LYPD1: variants seen among roughly 807,000 people sequenced by gnomAD.
The protein encoded by LYPD1 is LY6/PLAUR domain containing 1.
In LYPD1, 14 loss-of-function variants were observed where a neutral mutation model predicts 14.2. The ratio of observed to expected loss-of-function variants is 0.99; its 90% CI spans 0.65 to 1.54. LYPD1 has a LOEUF of 1.54. Among genes scored for constraint, LYPD1 ranks in the 40% most tolerant of loss-of-function variants. The probability of loss-of-function intolerance (pLI) is 0.00; values close to 1 mark genes in which losing one functional copy is unlikely to be tolerated. For missense variants in LYPD1, 165 were observed against 175.7 expected, an observed-to-expected ratio of 0.94 and a Z score of 0.34; for synonymous variants, 85 against 70.6, an observed-to-expected ratio of 1.20 and a Z score of -1.02.
rs1398052418 is a variant in LYPD1, at chr2:132,644,936, G to A, written c.*1109C>T. On this transcript the variant is annotated 3_prime_UTR_variant, in exon 3 of 3. Transcript: ENST00000397463. ...AACAGTGTTAAATTCTCTCTTGCTT[G>A]TGGCAAAAGAAGCTGTCAAGTCCAA... 59 of 721,052 alleles carry A rather than the reference G, an allele frequency of 8.2e-5. 1 individual carries two copies. In the East Asian group the frequency reaches 1.6e-3, roughly 19 times the overall value. 44.7% of individuals were successfully genotyped at this position (721,052 alleles called of 1,614,324 possible). A position where few individuals can be genotyped will look rare whatever the true frequency, so the allele number is the denominator to read the frequency against.
intron 2 of LYPD1, among the ~76,000 whole-genome samples, chr2:132,659,840 A>C (rs1682825575): frequency 6.6e-6 from 1 of 152,154 alleles, no homozygotes; most frequent in Non-Finnish European, 1.5e-5. Flanking sequence ...GGCTCTAGCT[A>C]TTTCTGAATA....
chr2:132,655,837 T>G (rs565431446), intron 2 of LYPD1, among the ~76,000 whole-genome samples: 2 of 152,276 alleles, frequency 1.3e-5, no homozygotes, highest in East Asian at 3.9e-4. Flanking sequence ...TAAACTAATC[T>G]TCTCCTACAA....
In LYPD1 at chr2:132,645,798, A is replaced by G. The variant is rs564454513; in HGVS notation, c.*247T>C. ...AGCCTGGCCTTGACTCCGGTTACACAGACATGGGGGTGAACTTTCACTCCA... is the reference window on the plus strand; with the variant it reads ...AGCCTGGCCTTGACTCCGGTTACACGGACATGGGGGTGAACTTTCACTCCA... On this transcript the variant is annotated 3_prime_UTR_variant, in exon 3 of 3. Coordinates refer to ENST00000397463, the MANE Select transcript of LYPD1 (RefSeq NM_144586.7). 3.4e-5 allele frequency: 27 copies of G among 788,434 alleles called. No homozygotes were observed. The East Asian group carries it at 7.3e-4, about 21-fold the overall frequency. 48.8% of individuals were successfully genotyped at this position (788,434 alleles called of 1,614,324 possible).
chr2:132,645,358 A>G lies in LYPD1; in HGVS notation c.*687T>C. 2 of 1,614,036 alleles carry G rather than the reference A, an allele frequency of 1.2e-6. No homozygotes were observed. The highest frequency in any genetic ancestry group is 3.3e-4 in the Middle Eastern group (2 of 6,060). ...GTCGCTGCAGCACGCCAACCACGAG[A>G]AGCGCCTGCGCGTACATGCGCACTC... On this transcript the variant is annotated 3_prime_UTR_variant, in exon 3 of 3. Coordinates refer to ENST00000397463, the MANE Select transcript of LYPD1 (RefSeq NM_144586.7).
At position 132,668,484 on chromosome 2, in the gene LYPD1, CGTT is replaced by C; in HGVS notation, c.103_105del (p.Asn35del). The C allele has an allele frequency of 2.5e-6, 4 of 1,612,132 alleles. No homozygotes were observed. The highest frequency in any genetic ancestry group is 3.4e-6 in the Non-Finnish European group (4 of 1,179,124). On this transcript the variant is annotated inframe_deletion, in exon 2 of 3. Coordinates refer to ENST00000397463, the MANE Select transcript of LYPD1 (RefSeq NM_144586.7). ...ACAATGAACTCGGGGGAGGAGCAGT[CGTT>C]GTTCAGCTGGAATTCTTCACACTGG...
In LYPD1 at chr2:132,644,462, T is replaced by C. The variant is rs1681946282; in HGVS notation, c.*1583A>G. On this transcript the variant is annotated 3_prime_UTR_variant, in exon 3 of 3. Transcript: ENST00000397463. Reference sequence around the variant, plus strand: ...CTAAAAGTGTCTGAAAAGAAACACATATGCTGTTGCAGATATGAGCATCAT... The same window carrying C: ...CTAAAAGTGTCTGAAAAGAAACACACATGCTGTTGCAGATATGAGCATCAT... 3.3e-5 allele frequency among the ~76,000 whole-genome samples: 5 copies of C among 152,234 alleles called. No homozygotes were observed. Among genetic ancestry groups the C allele is most frequent in the Admixed American group, 3.3e-4 (5 of 15,288 alleles).
chr2:132,659,961 A>C (rs1032968035), intron 2 of LYPD1, among the ~76,000 whole-genome samples: 4 of 152,246 alleles, frequency 2.6e-5, no homozygotes, highest in African/African-American at 4.8e-5. Context: ...GCTTCTGCTG[A>C]TGCTCTTTGA....
At chr2:132,646,533 T>C (rs772528484) in intron 2 of LYPD1, 18 of 376,172 alleles carry the variant, frequency 4.8e-5, no homozygotes, top group East Asian at 7.7e-5. Flanking sequence ...TGAATACCTG[T>C]TAATAAAGAG....
intron 2 of LYPD1, 23 bp downstream of exon 2, chr2:132,668,377 G>A: frequency 1.3e-6 from 2 of 1,595,756 alleles, no homozygotes; most frequent in Non-Finnish European, 1.7e-6. Context: ...TAAGAGCGAG[G>A]GGGAGGGCTG....
At chr2:132,649,514 T>C (rs1573726844) in intron 2 of LYPD1, among the ~76,000 whole-genome samples, 1 of 151,988 alleles carries the variant, frequency 6.6e-6, no homozygotes, top group South Asian at 2.1e-4. Context: ...ACGGGAATGG[T>C]TTTGGGGAAT....
In LYPD1 at chr2:132,669,882, T is replaced by C; in HGVS notation, c.51A>G (p.Pro17=). 6.2e-7 allele frequency: 1 copy of C among 1,612,770 alleles called. No individual in the cohort carries two copies. The highest frequency in any genetic ancestry group is 8.5e-7 in the Non-Finnish European group (1 of 1,179,326). The change falls in exon 1 of 3, where the codon CCA becomes CCG. Residue 17 remains proline, a splice_region_variant and synonymous_variant. Transcript: ENST00000397463. The surrounding 1 kb of genome is among the most constrained non-coding windows in gnomAD (Gnocchi z 4.3). The part of the protein sequence containing the change: ...AATFCGLFLL[P]GFALQIQCYQ... ...CTGCTGGCCTCTGGGTATTCTCACC[T>C]GGAAGCAAGAACAATCCGCAAAAAG...
intron 2 of LYPD1, among the ~76,000 whole-genome samples, chr2:132,658,524 GT>G (rs1682734339): frequency 6.6e-6 from 1 of 152,302 alleles, no homozygotes; most frequent in African/African-American, 2.4e-5. Context: ...ATGATGCCAG[GT>G]TTTGTCAATA....
intron 2 of LYPD1, among the ~76,000 whole-genome samples, chr2:132,661,804 G>T (rs568580324): frequency 1.1e-3 from 167 of 152,248 alleles, no homozygotes; most frequent in African/African-American, 4.0e-3. Context: ...TCTTGAACTG[G>T]TGGTGATAGT....
chr2:132,665,586 C>T (rs754848674), intron 2 of LYPD1, among the ~76,000 whole-genome samples: 25 of 152,178 alleles, frequency 1.6e-4, no homozygotes, highest in Non-Finnish European at 2.9e-4. Context: ...TGTGGTATTA[C>T]AGCAAAGGTG....
Position 132,669,747 on chromosome 2 carries a change from C to A in LYPD1, c.52+134G>T, listed in dbSNP as rs1353806730. ...CAGCCTCGCGCCCCGGGGCACCAGT[C>A]GCGGCCGCCAACTCCCGCTGGGCAG... is the stretch of plus-strand genomic sequence containing the variant. On this transcript the variant is annotated intron_variant, in intron 1 of 2. Coordinates refer to ENST00000397463, the MANE Select transcript of LYPD1 (RefSeq NM_144586.7). The surrounding 1 kb of genome is among the most constrained non-coding windows in gnomAD (Gnocchi z 4.3). The A allele has an allele frequency of 3.4e-6, 5 of 1,455,980 alleles. No individual in the cohort carries two copies. The African/African-American group carries it at 4.5e-5, about 13-fold the overall frequency. 90.2% of individuals were successfully genotyped at this position (1,455,980 alleles called of 1,614,324 possible).
At chr2:132,653,818 A>G (rs1196940058) in intron 2 of LYPD1, among the ~76,000 whole-genome samples, 2 of 152,194 alleles carry the variant, frequency 1.3e-5, no homozygotes, top group Non-Finnish European at 2.9e-5. Context: ...TCTTCTGAGG[A>G]TTCTTGTCAA....
Position 132,669,946 on chromosome 2 carries a change from C to T in LYPD1, c.-14G>A, listed in dbSNP as rs1573768735. ...TAGGACCCACATTCTCCCGGAGTCC[C>T]GGGGCCGGGAGAGGGCAAGCGCATC... On this transcript the variant is annotated 5_prime_UTR_variant, in exon 1 of 3. Transcript: ENST00000397463. The surrounding 1 kb of genome is among the most constrained non-coding windows in gnomAD (Gnocchi z 4.3). 1.2e-6 allele frequency: 2 copies of T among 1,611,672 alleles called. No homozygotes were observed. Among genetic ancestry groups the T allele is most frequent in the South Asian group, 1.1e-5 (1 of 90,966 alleles).
chr2:132,654,831 C>T (rs1435710549), intron 2 of LYPD1, among the ~76,000 whole-genome samples: 1 of 152,070 alleles, frequency 6.6e-6, no homozygotes, highest in Admixed American at 6.5e-5. Context: ...TCACTGCAAC[C>T]TACACCTACC....
In LYPD1 at chr2:132,669,966, C is replaced by T. The variant is rs752624669; in HGVS notation, c.-34G>A. 1.7e-5 allele frequency: 28 copies of T among 1,609,360 alleles called. No homozygotes were observed. In the South Asian group the frequency reaches 2.3e-4, roughly 13 times the overall value. ...AGTCCCGGGGCCGGGAGAGGGCAAGCGCATCAGAGGAGGCGACAGCAGCGG... is the reference window on the plus strand; with the variant it reads ...AGTCCCGGGGCCGGGAGAGGGCAAGTGCATCAGAGGAGGCGACAGCAGCGG... On this transcript the variant is annotated 5_prime_UTR_variant, in exon 1 of 3. Transcript: ENST00000397463. This position sits in a 1 kb window ranked among gnomAD's most constrained non-coding sequence, Gnocchi z 4.3.
Sources: gnomAD v4.1 joint callset for allele counts (sites outside exome capture counted in the v4.1 genomes callset) on GRCh38, gnomAD v4.1.1 for gene constraint, Gnocchi (gnomAD v3.1) non-coding constraint, MANE v1.5 for transcripts, NCBI Gene and HGNC (gene_info 2026-07-23, HGNC 2026-07-21) for gene names.